Variants in AMOTL2 observed in about 807,000 individuals in gnomAD.
The protein encoded by AMOTL2 is angiomotin like 2.
Under a neutral mutation model 78.4 loss-of-function variants are expected in AMOTL2, and 33 were observed. That is an observed-to-expected ratio of 0.42 (90% CI 0.32 to 0.56). The LOEUF (loss-of-function observed/expected upper bound fraction) is 0.56. AMOTL2 is among the 20% of genes least tolerant of loss of function. The pLI is 0.12. For missense variants in AMOTL2, 983 were observed against 1,030.1 expected (o/e 0.95, Z 0.63); for synonymous variants, 422 against 428.8 (o/e 0.98, Z 0.20).
intron 3 of AMOTL2, 145 bp from the exon 4 acceptor site, chr3:134,366,572 G>A (rs2107743636): frequency 1.3e-6 from 1 of 784,584 alleles, no homozygotes; most frequent in Non-Finnish European, 2.0e-6. Context: ...ATGGTGGGAT[G>A]GTCAGAAGCT....
In AMOTL2 at chr3:134,371,296, C is replaced by G; in HGVS notation, c.138G>C (p.Gly46=). 4 of 1,612,418 alleles carry G rather than the reference C, an allele frequency of 2.5e-6. No individual in the cohort carries two copies. The highest frequency in any genetic ancestry group is 3.4e-6 in the Non-Finnish European group (4 of 1,180,004). Residue 46 remains glycine (G), a synonymous_variant, in exon 2 of 10, where the codon GGG becomes GGC. Transcript: ENST00000249883. ...QQALRGGAGT[G]GTGSPQASLE... ...GGGAGGCCTGGGGGCTCCCTGTACC[C>G]CCAGTTCCAGCCCCACCCCTCAGGG... is the stretch of plus-strand genomic sequence containing the variant.
intron 1 of AMOTL2, among the ~76,000 whole-genome samples, chr3:134,372,556 CAA>C (rs1491451705): frequency 2.0e-5 from 3 of 151,508 alleles, no homozygotes; most frequent in Non-Finnish European, 2.9e-5. Flanking sequence ...CACACACACA[CAA>C]ACACACACAC....
In AMOTL2 at chr3:134,367,521, C is replaced by T. The variant is rs139462094; in HGVS notation, c.1017G>A (p.Ala339=). 38 of 1,612,476 alleles carry T rather than the reference C, an allele frequency of 2.4e-5. No individual in the cohort carries two copies. The highest frequency in any genetic ancestry group is 1.5e-4 in the African/African-American group (11 of 74,900). Residue 339 remains alanine, a synonymous_variant, in exon 3 of 10, where the codon GCG becomes GCA. Transcript: ENST00000249883. ...ERLQRELESS[A]EKAGRIEKLE... ...CCTTCTCAATGCGGCCAGCCTTCTC[C>T]GCAGAGCTCTCCAGCTCCCTCTGCA...
At chr3:134,373,396 A>AC in intron 1 of AMOTL2, 1 of 896,860 alleles carries the variant, frequency 1.1e-6, no homozygotes, top group Non-Finnish European at 1.3e-6. Flanking sequence ...GGAGCAAGGA[A>AC]CATCTCCAAG....
rs2017111955 is a variant in AMOTL2 at position 134,357,035 on chromosome 3, C to T, written c.*670G>A. 6.5e-6 allele frequency: 1 copy of T among 152,924 alleles called. No individual in the cohort carries two copies. The highest frequency in any genetic ancestry group is 1.5e-5 in the Non-Finnish European group (1 of 68,298). 9.5% of individuals were successfully genotyped at this position (152,924 alleles called of 1,614,324 possible). A position where few individuals can be genotyped will look rare whatever the true frequency, so the allele number is the denominator to read the frequency against. ...CACATCGGAACCTGCAGGCCTCAGTCTTCTGTTCCACAAGAAAGGGAATTA... is the reference window on the plus strand; with the variant it reads ...CACATCGGAACCTGCAGGCCTCAGTTTTCTGTTCCACAAGAAAGGGAATTA... On this transcript the variant is annotated 3_prime_UTR_variant, in exon 10 of 10. Transcript: ENST00000249883.
At chr3:134,373,944 G>A (rs1396340119) in intron 1 of AMOTL2, 10 of 621,126 alleles carry the variant, frequency 1.6e-5, no homozygotes, top group Non-Finnish European at 2.0e-5. Context: ...AAAGGCACCT[G>A]TAACCCCCAC....
chr3:134,369,787 T>C (rs1298967878), intron 2 of AMOTL2, among the ~76,000 whole-genome samples: 4 of 152,216 alleles, frequency 2.6e-5, no homozygotes, highest in African/African-American at 9.6e-5. Context: ...TTTCTTGGAC[T>C]CCCATAGGGG....
chr3:134,368,376 C>T (rs2017702102), intron 2 of AMOTL2, among the ~76,000 whole-genome samples: 1 of 152,102 alleles, frequency 6.6e-6, no homozygotes, highest in Admixed American at 6.5e-5. Context: ...TCCTGCCACC[C>T]CCCACCCCCC....
chr3:134,375,069 C>G (rs2018039340), upstream of AMOTL2: 1 of 1,466,452 alleles, frequency 6.8e-7, no homozygotes, highest in East Asian at 2.5e-5. Flanking sequence ...TGTTTTCACC[C>G]CCAGCGGCAA....
At chr3:134,361,430 C>T in intron 6 of AMOTL2, 82 bp downstream of exon 6, 1 of 1,450,802 alleles carries the variant, frequency 6.9e-7, no homozygotes, top group South Asian at 1.4e-5. Context: ...TCAGCCCTGG[C>T]CTCCAAACCT....
chr3:134,370,744 C>T lies in AMOTL2; in HGVS notation c.690G>A (p.Arg230=). Residue 230 remains arginine (R), a synonymous_variant, in exon 2 of 10, where the codon CGG becomes CGA. Transcript: ENST00000249883. ...AGTGCGGGCTGCCGCGGGCACGGTA[C>T]CGTGGGTCAGTGACAGCAGTGGTGG... ...HETTTAVTDP[R]YRARGSPHFQ... 6.6e-7 allele frequency: 1 copy of T among 1,514,856 alleles called. No homozygotes were observed. The highest frequency in any genetic ancestry group is 2.3e-5 in the East Asian group (1 of 43,918). 93.8% of individuals were successfully genotyped at this position (1,514,856 alleles called of 1,614,324 possible).
At chr3:134,370,120 C>T (rs553045220) in intron 2 of AMOTL2, among the ~76,000 whole-genome samples, 1 of 152,308 alleles carries the variant, frequency 6.6e-6, no homozygotes, top group African/African-American at 2.4e-5. Context: ...GACCCAGAAT[C>T]CTTTCCCACT....
intron 6 of AMOTL2, 104 bp downstream of exon 6, chr3:134,361,408 G>C: frequency 7.4e-7 from 1 of 1,343,752 alleles, no homozygotes; most frequent in Non-Finnish European, 9.9e-7. Context: ...CTAAGCAGGG[G>C]CTCCCGGGGC....
intron 2 of AMOTL2, 31 bp downstream of exon 2, chr3:134,370,669 G>C (rs763360579): frequency 6.7e-7 from 1 of 1,502,574 alleles, no homozygotes; most frequent in East Asian, 2.3e-5. Context: ...AGAAAGCCAG[G>C]AGTTGGAAAG....
rs1400029227 is a variant in AMOTL2, at chr3:134,373,738, C to G, written c.-62+604G>C. The G allele has an allele frequency of 1.6e-5, 16 of 985,294 alleles. 1 individual carries two copies. In the Admixed American group the frequency reaches 3.7e-4, roughly 23 times the overall value. The allele number at this position is 985,294 out of a possible 1,614,324, so 61.0% of individuals were successfully genotyped here. A position where few individuals can be genotyped will look rare whatever the true frequency, so the allele number is the denominator to read the frequency against. On this transcript the variant is annotated intron_variant, in intron 1 of 9. Coordinates refer to ENST00000249883, the MANE Select transcript of AMOTL2 (RefSeq NM_016201.4). ...CTGGGGCGAGCCGGTGAGGGTAGCC[C>G]GAGGCCCGGAGAGGTCTTTAAGCAT...
At chr3:134,363,541 G>T (rs147692922) in intron 5 of AMOTL2, among the ~76,000 whole-genome samples, 235 of 152,310 alleles carry the variant, frequency 1.5e-3, no homozygotes, top group African/African-American at 5.5e-3. Context: ...AGAATCTGGG[G>T]CGCAGGGAGA....
intron 5 of AMOTL2, 151 bp from the exon 6 acceptor site, chr3:134,361,958 A>C: frequency 1.3e-6 from 1 of 746,926 alleles, no homozygotes. Context: ...ACCCTGTTTC[A>C]TGGAAGAAGA....
chr3:134,371,844 C>T (rs1332967906), intron 1 of AMOTL2: 1 of 234,702 alleles, frequency 4.3e-6, no homozygotes. Flanking sequence ...CTTACTATTC[C>T]TGGAGAGAGA....
In AMOTL2 at chr3:134,359,439, A is replaced by AGC; in HGVS notation, c.1946_1947dup (p.Ser650AlafsTer51). On this transcript the variant is annotated frameshift_variant, in exon 8 of 10. Coordinates refer to ENST00000249883, the MANE Select transcript of AMOTL2 (RefSeq NM_016201.4). LOFTEE classifies it high-confidence loss of function. ...ATGGCCTTGCCAGGGTCTCTCCTGGAGCGCTGCTGAAGGACCTTGATCACT... is the reference window on the plus strand; with the variant it reads ...ATGGCCTTGCCAGGGTCTCTCCTGGAGCGCGCTGCTGAAGGACCTTGATCACT... 6.2e-7 allele frequency: 1 copy of AGC among 1,614,152 alleles called. No individual in the cohort carries two copies. The highest frequency in any genetic ancestry group is 8.5e-7 in the Non-Finnish European group (1 of 1,180,018).
Sources: allele counts gnomAD v4.1 joint callset (sites outside exome capture counted in the v4.1 genomes callset), GRCh38; gene constraint gnomAD v4.1.1; transcripts MANE v1.5; gene names NCBI Gene and HGNC (gene_info 2026-07-23, HGNC 2026-07-21).